The following ESRRG variants were observed in gnomAD, a reference collection of about 807,000 sequenced individuals.
The protein encoded by ESRRG is estrogen related receptor gamma.
ESRRG carries 13 observed loss-of-function variants against 44.0 expected under a neutral mutation model. The ratio of observed to expected loss-of-function variants is 0.30; its 90% CI spans 0.19 to 0.47. The LOEUF (loss-of-function observed/expected upper bound fraction) is 0.47, where lower values mean the gene tolerates loss of function less well. Among genes scored for constraint, ESRRG ranks in the 20% least tolerant of loss-of-function variants. The pLI is 1.00. For synonymous variants in ESRRG, 215 were observed against 214.6 expected, an observed-to-expected ratio of 1.00 and a Z score of -0.02; for missense variants, 395 against 580.6, an observed-to-expected ratio of 0.68 and a Z score of 3.29.
intron 2 of ESRRG, among the ~76,000 whole-genome samples, chr1:216,735,447 A>T (rs2089697426): frequency 1.3e-5 from 2 of 150,770 alleles, no homozygotes; most frequent in Non-Finnish European, 2.9e-5. Context: ...GCCTCAAGGG[A>T]TCCTCCAGCC....
At chr1:217,127,664 C>T (rs2092909768) in intron 1 of ESRRG, among the ~76,000 whole-genome samples, 1 of 152,208 alleles carries the variant, frequency 6.6e-6, no homozygotes, top group Admixed American at 6.5e-5. Flanking sequence ...CTCTGCCACT[C>T]ATCAGCTGTA....
At chr1:216,628,588 A>T (rs2063574074) in intron 3 of ESRRG, among the ~76,000 whole-genome samples, 1 of 152,204 alleles carries the variant, frequency 6.6e-6, no homozygotes, top group Non-Finnish European at 1.5e-5. Flanking sequence ...AGATCATAGA[A>T]ATCAACTAGG....
intron 1 of ESRRG, among the ~76,000 whole-genome samples, chr1:217,022,919 A>G (rs927449340): frequency 6.6e-6 from 1 of 152,164 alleles, no homozygotes; most frequent in African/African-American, 2.4e-5. Flanking sequence ...CAGACTAACA[A>G]TCCAGTGGGA....
intron 3 of ESRRG, among the ~76,000 whole-genome samples, chr1:216,573,543 T>A (rs1000881723): frequency 1.3e-5 from 2 of 151,958 alleles, no homozygotes; most frequent in African/African-American, 4.8e-5. Flanking sequence ...AGTGTTACAA[T>A]CTATCCCATA....
At chr1:216,729,735 A>T (rs557688446) in intron 2 of ESRRG, among the ~76,000 whole-genome samples, 103 of 152,182 alleles carry the variant, frequency 6.8e-4, no homozygotes, top group African/African-American at 2.3e-3. Flanking sequence ...CTTGTACTCC[A>T]TTTCTCTTCC....
chr1:216,566,386 A>T (rs894610462), intron 4 of ESRRG, among the ~76,000 whole-genome samples: 2 of 152,210 alleles, frequency 1.3e-5, no homozygotes, highest in African/African-American at 4.8e-5. Flanking sequence ...ATTTATTAGG[A>T]GTCCTCTTTA....
intron 2 of ESRRG, among the ~76,000 whole-genome samples, chr1:216,730,349 A>G (rs1266612744): frequency 2.6e-5 from 4 of 151,964 alleles, no homozygotes; most frequent in Non-Finnish European, 4.4e-5. Flanking sequence ...AAGAAAGAAA[A>G]AAAGGTACAT....
intron 3 of ESRRG, among the ~76,000 whole-genome samples, chr1:216,604,250 G>A (rs1445389405): frequency 6.6e-6 from 1 of 152,164 alleles, no homozygotes; most frequent in Non-Finnish European, 1.5e-5. Flanking sequence ...GAAATTGTGG[G>A]AATAAAAGGA....
At chr1:216,939,363 A>C (rs918586048) in intron 2 of ESRRG, among the ~76,000 whole-genome samples, 2 of 142,538 alleles carry the variant, frequency 1.4e-5, no homozygotes, top group South Asian at 2.1e-4. Flanking sequence ...AAAAAAAAAA[A>C]AAAAAAACAC....
Position 216,677,060 on chromosome 1 carries a change from C to A in ESRRG, c.472+16G>T. The A allele has an allele frequency of 6.2e-7, 1 of 1,603,598 alleles. No homozygotes were observed. The highest frequency in any genetic ancestry group is 8.5e-7 in the Non-Finnish European group (1 of 1,172,026). Reference sequence around the variant, plus strand: ...AGGTTGGAAGTGGGGAGAGTATTCCCAGGTCCGACACTAACCTTGAATTGT... The same window carrying A: ...AGGTTGGAAGTGGGGAGAGTATTCCAAGGTCCGACACTAACCTTGAATTGT... On this transcript the variant is annotated intron_variant, in intron 2 of 6. Transcript: ENST00000408911.
chr1:216,989,506 A>G (rs1034010827), intron 1 of ESRRG, among the ~76,000 whole-genome samples: 8 of 151,968 alleles, frequency 5.3e-5, no homozygotes, highest in African/African-American at 1.7e-4. Context: ...TCCAGTTGAA[A>G]TCATCAACCA....
At chr1:216,532,157 T>C (rs544078571) in intron 5 of ESRRG, among the ~76,000 whole-genome samples, 150 of 151,998 alleles carry the variant, frequency 9.9e-4, no homozygotes, top group African/African-American at 3.4e-3. Flanking sequence ...TGCCTGATTC[T>C]AATACACCTA....
intron 1 of ESRRG, among the ~76,000 whole-genome samples, chr1:216,948,863 G>A (rs923046417): frequency 6.6e-6 from 1 of 152,110 alleles, no homozygotes; most frequent in African/African-American, 2.4e-5. Flanking sequence ...ATAAGTCCCT[G>A]GATTTCCTGC....
chr1:216,949,302 T>C (rs953095349), intron 1 of ESRRG, among the ~76,000 whole-genome samples: 12 of 152,196 alleles, frequency 7.9e-5, no homozygotes, highest in Admixed American at 3.3e-4. Context: ...GTTTATTTAC[T>C]GCAAAATAAG....
chr1:216,834,492 AT>A (rs753146473), intron 2 of ESRRG, among the ~76,000 whole-genome samples: 1 of 152,184 alleles, frequency 6.6e-6, no homozygotes, highest in African/African-American at 2.4e-5. Flanking sequence ...TTTATTTTTG[AT>A]TTTTTTAAAA....
intron 3 of ESRRG, among the ~76,000 whole-genome samples, chr1:216,619,939 G>T (rs1333570705): frequency 6.6e-6 from 1 of 152,130 alleles, no homozygotes; most frequent in Non-Finnish European, 1.5e-5. Flanking sequence ...GCAACACCGA[G>T]TCAAGAAGAT....
intron 2 of ESRRG, among the ~76,000 whole-genome samples, chr1:216,819,672 G>A (rs1234888548): frequency 6.6e-6 from 1 of 152,048 alleles, no homozygotes; most frequent in South Asian, 2.1e-4. Context: ...ATGGAAGCTA[G>A]TTAAATGTTT....
intron 3 of ESRRG, among the ~76,000 whole-genome samples, chr1:216,580,026 A>G (rs1472931890): frequency 6.6e-6 from 1 of 152,224 alleles, no homozygotes; most frequent in African/African-American, 2.4e-5. Flanking sequence ...TGCATAGTGA[A>G]AATGACATAC....
At position 216,703,177 on chromosome 1, in the gene ESRRG, TTGCAGTTAACCAACAACTAACA is replaced by T. The variant is rs563704948; in HGVS notation, c.56+20045_56+20066del. Among the ~76,000 whole-genome samples the T allele has an allele frequency of 1.1e-3, 169 of 152,342 alleles. 1 individual carries two copies. The highest frequency in any genetic ancestry group is 3.8e-3 in the African/African-American group (159 of 41,584). ...ATAAATACTGAGCCAACTACTGTTC[TTGCAGTTAACCAACAACTAACA>T]TGTGCAGGGGTGTCCAAGCTTTTGG... On this transcript the variant is annotated intron_variant, in intron 1 of 6. Coordinates refer to ENST00000408911, the MANE Select transcript of ESRRG (RefSeq NM_001438.4).
Sources: allele counts gnomAD v4.1 joint callset (sites outside exome capture counted in the v4.1 genomes callset), GRCh38; gene constraint gnomAD v4.1.1; transcripts MANE v1.5; gene names NCBI Gene and HGNC (gene_info 2026-07-23, HGNC 2026-07-21).